SALL4: variants seen among roughly 807,000 people sequenced by gnomAD.
SALL4 encodes sal-like protein 4.
A neutral mutation model predicts 60.8 loss-of-function variants in SALL4; 4 were observed. The observed-to-expected ratio is 0.07, with a 90% CI of 0.03 to 0.15. The LOEUF (loss-of-function observed/expected upper bound fraction) is 0.15. Among genes scored for constraint, SALL4 ranks in the 10% least tolerant of loss-of-function variants. SALL4 has a pLI of 1.00. For synonymous variants in SALL4, 580 were observed against 574.9 expected (o/e 1.01, Z -0.13); for missense variants, 1,178 against 1,394.7 (o/e 0.84, Z 2.48).
At chr20:51,800,126 C>A (rs538674092) in intron 1 of SALL4, among the ~76,000 whole-genome samples, 1 of 152,166 alleles carries the variant, frequency 6.6e-6, no homozygotes, top group Non-Finnish European at 1.5e-5. Context: ...GGAGTTATTA[C>A]CAAGAATTCC....
At chr20:51,789,710 G>GA (rs2078020522) in intron 2 of SALL4, among the ~76,000 whole-genome samples, 1 of 151,816 alleles carries the variant, frequency 6.6e-6, no homozygotes. Context: ...GAAACAAAAA[G>GA]AAAAAAACTA....
In SALL4 at chr20:51,791,478, A is replaced by G. The variant is rs150350828; in HGVS notation, c.1005T>C (p.Leu335=). The change falls in exon 2 of 4, where the codon CTT becomes CTC. Residue 335 remains leucine (L), a synonymous_variant. Coordinates refer to ENST00000217086, the MANE Select transcript of SALL4 (RefSeq NM_020436.5). This position sits in a 1 kb window ranked among gnomAD's most constrained non-coding sequence, Gnocchi z 4.6. ...AGAGCACCGAGCCCGGGGCCTGAGG[A>G]AGCAAAGCGCTCGGGAGGCGGGACA... is the stretch of plus-strand genomic sequence containing the variant. ...NVMSRLPSAL[L]PQAPGSVLFQ... 19 of 1,613,944 alleles carry G rather than the reference A, an allele frequency of 1.2e-5. No individual in the cohort carries two copies. Among genetic ancestry groups the G allele is most frequent in the Admixed American group, 1.7e-5 (1 of 60,006 alleles).
rs561590802 is a variant in SALL4 at position 51,799,762 on chromosome 20, C to T, written c.130+2517G>A. Among the ~76,000 whole-genome samples, 17 of 152,308 alleles carry T rather than the reference C, an allele frequency of 1.1e-4. No homozygotes were observed. The South Asian group carries it at 3.1e-3, about 28-fold the overall frequency. ...AGTTTAGCACAAAGGGCATTTGAAA[C>T]TCTTTTGAGAAAATGCTAATTTTTC... On this transcript the variant is annotated intron_variant, in intron 1 of 3. Coordinates refer to ENST00000217086, the MANE Select transcript of SALL4 (RefSeq NM_020436.5).
At position 51,794,490 on chromosome 20, in the gene SALL4, GC is replaced by G. The variant is rs561213279; in HGVS notation, c.131-2139del. Among the ~76,000 whole-genome samples the G allele has an allele frequency of 4.7e-4, 72 of 152,228 alleles. 1 individual carries two copies. Among genetic ancestry groups the G allele is most frequent in the African/African-American group, 1.7e-3 (70 of 41,542 alleles). ...CACTTGAACCCAGGAGGCGGAGGTT[GC>G]AGTGAACTGAGATTGTGCCATTGTA... is the stretch of plus-strand genomic sequence containing the variant. On this transcript the variant is annotated intron_variant, in intron 1 of 3. Transcript: ENST00000217086.
chr20:51,798,092 G>T lies in SALL4; in HGVS notation c.130+4187C>A, dbSNP rs559774234. On this transcript the variant is annotated intron_variant, in intron 1 of 3. Transcript: ENST00000217086. ...TGCCTTCTTAAGTATTTAACCAGTT[G>T]AAAGAAAACTGCCTCTTTAGCAGCT... Among the ~76,000 whole-genome samples the T allele has an allele frequency of 3.1e-3, 473 of 152,190 alleles. 2 individuals are homozygous for T. The highest frequency in any genetic ancestry group is 6.2e-3 in the Admixed American group (94 of 15,272).
chr20:51,791,691 C>T lies in SALL4; in HGVS notation c.792G>A (p.Met264Ile), dbSNP rs1370098159. 3 of 1,614,214 alleles carry T rather than the reference C, an allele frequency of 1.9e-6. No homozygotes were observed. Among genetic ancestry groups the T allele is most frequent in the Non-Finnish European group, 2.5e-6 (3 of 1,180,052 alleles). The change falls in exon 2 of 4, where the codon ATG becomes ATA. Residue 264 changes from methionine to isoleucine, a missense_variant. Transcript: ENST00000217086. This position sits in a 1 kb window ranked among gnomAD's most constrained non-coding sequence, Gnocchi z 4.6. ...CCACAGCTGCAGAAACCTGCTGAGA[C>T]ATGTGGCTGCCCAAGGTCTTCAGAG... ...ADTLKTLGSHMSQQVSAAVAL... is the reference protein window; with the variant it reads ...ADTLKTLGSHISQQVSAAVAL...
chr20:51,801,937 A>G lies in SALL4; in HGVS notation c.130+342T>C, dbSNP rs1183471377. Among the ~76,000 whole-genome samples, 5 of 149,638 alleles carry G rather than the reference A, an allele frequency of 3.3e-5. No individual in the cohort carries two copies. Among genetic ancestry groups the G allele is most frequent in the African/African-American group, 7.4e-5 (3 of 40,552 alleles). ...AGTTACAAGGGGGGGGGGTAACACC[A>G]GTGAGGGGAGTGGAACCAATTAAGT... On this transcript the variant is annotated intron_variant, in intron 1 of 3. Coordinates refer to ENST00000217086, the MANE Select transcript of SALL4 (RefSeq NM_020436.5). This position sits in a 1 kb window ranked among gnomAD's most constrained non-coding sequence, Gnocchi z 5.2.
At chr20:51,798,036 A>C (rs186116150) in intron 1 of SALL4, among the ~76,000 whole-genome samples, 2 of 152,314 alleles carry the variant, frequency 1.3e-5, no homozygotes, top group African/African-American at 4.8e-5. Context: ...CCCCAGGATA[A>C]TTGCTTACCA....
At chr20:51,800,425 C>G (rs2078102631) in intron 1 of SALL4, among the ~76,000 whole-genome samples, 1 of 152,252 alleles carries the variant, frequency 6.6e-6, no homozygotes, top group Admixed American at 6.5e-5. Flanking sequence ...AGTGGCAGCG[C>G]ACGGCCAGGC....
intron 1 of SALL4, among the ~76,000 whole-genome samples, chr20:51,793,719 G>A (rs1332370581): frequency 5.3e-5 from 8 of 152,164 alleles, no homozygotes; most frequent in Admixed American, 3.9e-4. Flanking sequence ...ATGAGCCACC[G>A]TGCCCAGCCA....
In SALL4 at chr20:51,797,612, A is replaced by G. The variant is rs2122976067; in HGVS notation, c.130+4667T>C. On this transcript the variant is annotated intron_variant, in intron 1 of 3. Coordinates refer to ENST00000217086, the MANE Select transcript of SALL4 (RefSeq NM_020436.5). The stretch of plus-strand genomic sequence containing the variant: ...GGAGTAAGAAGATTCTGTTATGAAC[A>G]ATTGCTGGGCATGCTTAAGTTAACC... 2.0e-5 allele frequency: 3 copies of G among 152,304 alleles called. No individual in the cohort carries two copies. In the South Asian group the frequency reaches 6.2e-4, roughly 32 times the overall value. The allele number at this position is 152,304 out of a possible 1,614,324, so 9.4% of individuals were successfully genotyped here.
At chr20:51,794,385 C>T (rs183992562) in intron 1 of SALL4, among the ~76,000 whole-genome samples, 8 of 152,234 alleles carry the variant, frequency 5.3e-5, no homozygotes, top group African/African-American at 1.9e-4. Flanking sequence ...GAAACTCCAT[C>T]TCTACTAAAA....
rs77576472 is a variant in SALL4, at chr20:51,789,190, T to A, written c.2462-49A>T. On this transcript the variant is annotated intron_variant, in intron 2 of 3. Coordinates refer to ENST00000217086, the MANE Select transcript of SALL4 (RefSeq NM_020436.5). ...CCAGACCTTTATCATCCAACCTTCA[T>A]TCTTTCTCTTCAAAGCAAAAGAGAT... 4.1e-3 allele frequency: 6,569 copies of A among 1,601,822 alleles called. 257 individuals carry two copies. The African/African-American group carries it at 0.076, about 19-fold the overall frequency.
intron 1 of SALL4, among the ~76,000 whole-genome samples, chr20:51,798,815 C>G (rs991577538): frequency 6.6e-6 from 1 of 152,052 alleles, no homozygotes; most frequent in Admixed American, 6.6e-5. Flanking sequence ...ACATCACCAA[C>G]TGACCTAAGG....
chr20:51,790,204 G>C lies in SALL4; in HGVS notation c.2279C>G (p.Thr760Ser). The C allele has an allele frequency of 1.9e-6, 3 of 1,614,100 alleles. No individual in the cohort carries two copies. The highest frequency in any genetic ancestry group is 2.5e-6 in the Non-Finnish European group (3 of 1,180,014). The part of the protein sequence containing the change: ...ENGSVESDGL[T>S]NDSSSLMGDQ... ...TCCCATCAGCGAGGATGAGTCGTTG[G>C]TCAAGCCATCGCTCTCCACGGAACC... Residue 760 changes from threonine (T) to serine (S), a missense_variant, in exon 2 of 4, where the codon ACC becomes AGC. By Grantham distance (58) the Thr-to-Ser change is moderately conservative. Around this residue, in one of 5 missense-constraint regions of SALL4, gnomAD observed 853 missense variants for 1,036.8 expected, o/e 0.82. Transcript: ENST00000217086. The surrounding 1 kb of genome is among the most constrained non-coding windows in gnomAD (Gnocchi z 5.5).
rs756337922 is a variant in SALL4 at position 51,792,244 on chromosome 20, T to A, written c.239A>T (p.Glu80Val). Residue 80 changes from glutamate to valine, a missense_variant, in exon 2 of 4, where the codon GAG becomes GTG. By Grantham distance (121) the Glu-to-Val change is moderately radical (BLOSUM62 -2). Around this residue, in one of 5 missense-constraint regions of SALL4, gnomAD observed 108 missense variants for 95.7 expected, o/e 1.13. Coordinates refer to ENST00000217086, the MANE Select transcript of SALL4 (RefSeq NM_020436.5). ...ETHVCEKCCA[E>V]FFSISEFLEH... ...CAGGAACTCAGAGATGCTGAAGAAC[T>A]CCGCACAGCATTTCTCACAGACGTG... 6.2e-7 allele frequency: 1 copy of A among 1,614,000 alleles called. No homozygotes were observed. Among genetic ancestry groups the A allele is most frequent in the Non-Finnish European group, 8.5e-7 (1 of 1,180,030 alleles).
chr20:51,798,808 TCA>T (rs566606579), intron 1 of SALL4, among the ~76,000 whole-genome samples: 67 of 151,678 alleles, frequency 4.4e-4, no homozygotes, highest in African/African-American at 1.5e-3. Flanking sequence ...TCTCATCACA[TCA>T]CCAACTGACC....
chr20:51,800,305 A>C (rs2122980803), intron 1 of SALL4, among the ~76,000 whole-genome samples: 1 of 152,290 alleles, frequency 6.6e-6, no homozygotes, highest in South Asian at 2.1e-4. Context: ...CCTCCCAGCA[A>C]AGGGCTAGGC....
intron 1 of SALL4, 26 bp downstream of exon 1, chr20:51,802,253 C>A (rs552175277): frequency 2.5e-6 from 4 of 1,573,308 alleles, no homozygotes; most frequent in Admixed American, 3.6e-5. Context: ...CTCCCCTCCC[C>A]GGGCGGGCGC....
Sources: gnomAD v4.1 joint callset for allele counts (sites outside exome capture counted in the v4.1 genomes callset) on GRCh38, gnomAD v4.1.1 for gene constraint, gnomAD v4.1.1 regional missense constraint, Gnocchi (gnomAD v3.1) non-coding constraint, MANE v1.5 for transcripts, NCBI Gene and HGNC (gene_info 2026-07-23, HGNC 2026-07-21) for gene names.